Variants in GPC1 observed in about 807,000 individuals in gnomAD.
The protein encoded by GPC1 is glypican 1.
In GPC1, 26 loss-of-function variants were observed where a neutral mutation model predicts 51.5. That is an observed-to-expected ratio of 0.50 (90% CI 0.37 to 0.70). The LOEUF is 0.70. Ranked by LOEUF, GPC1 falls within the 30% of genes least tolerant of loss-of-function variation. The probability of loss-of-function intolerance (pLI) is 0.00; values close to 1 mark genes in which losing one functional copy is unlikely to be tolerated. For synonymous variants in GPC1, 380 were observed against 348.3 expected (o/e 1.09, Z -1.01); for missense variants, 775 against 800.5 (o/e 0.97, Z 0.38).
Position 240,466,587 on chromosome 2 carries a change from C to T in GPC1, c.*297C>T. The T allele has an allele frequency of 2.4e-6, 1 of 410,222 alleles. No homozygotes were observed. Among genetic ancestry groups the T allele is most frequent in the Non-Finnish European group, 4.4e-6 (1 of 229,170 alleles). 25.4% of individuals were successfully genotyped at this position (410,222 alleles called of 1,614,324 possible). On this transcript the variant is annotated 3_prime_UTR_variant, in exon 9 of 9. Transcript: ENST00000264039. ...CTAGCCCTCCCCCCAGCTCCCTGCA[C>T]CGCCGCAGAAGCAGCCCCTCGAGGC... is the stretch of plus-strand genomic sequence containing the variant.
rs2073979517 is a variant in GPC1, at chr2:240,435,808, C to CCG, written c.-103_-102dup. The CCG allele has an allele frequency of 1.4e-6, 1 of 694,626 alleles. No homozygotes were observed. The allele number at this position is 694,626 out of a possible 1,614,324, so 43.0% of individuals were successfully genotyped here. A position where few individuals can be genotyped will look rare whatever the true frequency, so the allele number is the denominator to read the frequency against. On this transcript the variant is annotated 5_prime_UTR_variant, in exon 1 of 9. Coordinates refer to ENST00000264039, the MANE Select transcript of GPC1 (RefSeq NM_002081.3). ...GCCGCCGCCGCCTCTGGACCGCGAGCCGCGCGCGCCGGGACCTTGGCTCTG... is the reference window on the plus strand; with the variant it reads ...GCCGCCGCCGCCTCTGGACCGCGAGCCGCGCGCGCGCCGGGACCTTGGCTCTG...
intron 2 of GPC1, among the ~76,000 whole-genome samples, chr2:240,461,365 C>T (rs913837684): frequency 2.6e-5 from 4 of 152,202 alleles, no homozygotes; most frequent in African/African-American, 9.6e-5. Context: ...ATCGAGCCCC[C>T]GGTACCTGTG....
chr2:240,466,853 C>T lies in GPC1; in HGVS notation c.*563C>T, dbSNP rs2151798201. On this transcript the variant is annotated 3_prime_UTR_variant, in exon 9 of 9. Transcript: ENST00000264039. ...GGCTGCAGAGCCCGGCCCCACCTCC[C>T]TGCGCCCTTGAGGGGCCCCAGCGTC... is the stretch of plus-strand genomic sequence containing the variant. 6.5e-6 allele frequency: 1 copy of T among 153,326 alleles called. No individual in the cohort carries two copies. The highest frequency in any genetic ancestry group is 2.0e-4 in the South Asian group (1 of 4,882). 9.5% of individuals were successfully genotyped at this position (153,326 alleles called of 1,614,324 possible). A position where few individuals can be genotyped will look rare whatever the true frequency, so the allele number is the denominator to read the frequency against.
At chr2:240,459,317 G>A in intron 2 of GPC1, 129 bp downstream of exon 2, 3 of 909,278 alleles carry the variant, frequency 3.3e-6, no homozygotes, top group Non-Finnish European at 3.3e-6. Context: ...GGGAGTTAGT[G>A]CTTTGGGGCT....
chr2:240,456,527 C>T (rs867355003), intron 1 of GPC1: 2 of 453,606 alleles, frequency 4.4e-6, no homozygotes, highest in African/African-American at 2.0e-5. Flanking sequence ...GGTGTGTCAC[C>T]GGGAAGCTCA....
chr2:240,453,790 G>A (rs933167947), intron 1 of GPC1, among the ~76,000 whole-genome samples: 1 of 151,892 alleles, frequency 6.6e-6, no homozygotes, highest in African/African-American at 2.4e-5. Context: ...GGCGGCTGGC[G>A]ACTGGCATCG....
chr2:240,456,145 G>A (rs1016708086), intron 1 of GPC1: 17 of 265,238 alleles, frequency 6.4e-5, no homozygotes, highest in Non-Finnish European at 9.7e-5. Flanking sequence ...CTGAGGGGTC[G>A]GCGGGGGAGG....
intron 1 of GPC1, chr2:240,450,977 T>C (rs1380874543): frequency 2.6e-6 from 1 of 380,314 alleles, no homozygotes; most frequent in South Asian, 1.9e-5. Context: ...AGGTCACAGC[T>C]GGGTGGGGTG....
At chr2:240,465,292 G>C in intron 7 of GPC1, 82 bp downstream of exon 7, 1 of 1,460,500 alleles carries the variant, frequency 6.8e-7, no homozygotes, top group East Asian at 2.4e-5. Context: ...CTGTCTGCAC[G>C]GGGCCACGTC....
intron 1 of GPC1, among the ~76,000 whole-genome samples, chr2:240,439,099 G>T (rs2074002047): frequency 1.3e-5 from 2 of 152,238 alleles, no homozygotes; most frequent in South Asian, 4.1e-4. Context: ...CTGATGTGAT[G>T]TGATGTGTGT....
At chr2:240,444,769 G>A (rs767467740) in intron 1 of GPC1, among the ~76,000 whole-genome samples, 2 of 152,190 alleles carry the variant, frequency 1.3e-5, no homozygotes, top group Admixed American at 6.5e-5. Flanking sequence ...CAGCCCACCC[G>A]TGTCTGGCGC....
At chr2:240,450,955 G>C (rs902373370) in intron 1 of GPC1, 2 of 404,100 alleles carry the variant, frequency 4.9e-6, no homozygotes, top group Non-Finnish European at 1.0e-5. Flanking sequence ...ATGTGAGATG[G>C]AGGGAAGTGG....
intron 1 of GPC1, chr2:240,456,066 G>A: frequency 2.5e-6 from 1 of 396,706 alleles, no homozygotes; most frequent in South Asian, 1.8e-5. Context: ...AGGGAGGGAC[G>A]GGGGCTGTGC....
chr2:240,437,123 G>T (rs74001636), intron 1 of GPC1, among the ~76,000 whole-genome samples: 1,967 of 152,350 alleles, frequency 0.013, 50 homozygotes, highest in African/African-American at 0.044. Flanking sequence ...CTGAAACCAG[G>T]GGAGTGGGAG....
intron 1 of GPC1, 84 bp from the exon 2 acceptor site, chr2:240,458,946 T>A: frequency 7.5e-7 from 1 of 1,341,768 alleles, no homozygotes; most frequent in Non-Finnish European, 1.0e-6. Flanking sequence ...GGGTCTGCCA[T>A]CCTGCCCAGG....
At chr2:240,447,036 C>A (rs573799896) in intron 1 of GPC1, among the ~76,000 whole-genome samples, 2 of 152,158 alleles carry the variant, frequency 1.3e-5, no homozygotes, top group Non-Finnish European at 2.9e-5. Context: ...GGCCGAACCC[C>A]TGGCGTCTGG....
intron 1 of GPC1, chr2:240,456,131 G>A (rs1407091753): frequency 2.9e-5 from 8 of 271,594 alleles, no homozygotes; most frequent in Admixed American, 2.3e-4. Context: ...TTGGCCGGGC[G>A]GGGCTGAGGG....
chr2:240,462,603 C>T (rs773803930), intron 3 of GPC1, 21 bp downstream of exon 3: 23 of 1,503,770 alleles, frequency 1.5e-5, no homozygotes, highest in Non-Finnish European at 1.9e-5. Context: ...CCACCCAGGG[C>T]TCTCAGAAAC....
chr2:240,457,263 C>G (rs1310703928), intron 1 of GPC1, among the ~76,000 whole-genome samples: 1 of 152,164 alleles, frequency 6.6e-6, no homozygotes, highest in African/African-American at 2.4e-5. Context: ...CTCGGCCCTC[C>G]CTCGCTCTCC....
Sources: gnomAD v4.1 joint callset for allele counts (sites outside exome capture counted in the v4.1 genomes callset) on GRCh38, gnomAD v4.1.1 for gene constraint, MANE v1.5 for transcripts, NCBI Gene and HGNC (gene_info 2026-07-23, HGNC 2026-07-21) for gene names.